GUCY1A2: variants seen among roughly 807,000 people sequenced by gnomAD.
GUCY1A2 encodes the protein guanylate cyclase 1 soluble subunit alpha 2, also known as guanylate cyclase soluble subunit alpha-2.
A neutral mutation model predicts 63.5 loss-of-function variants in GUCY1A2; 27 were observed. That is an observed-to-expected ratio of 0.43 (90% confidence interval 0.31 to 0.59). The LOEUF (loss-of-function observed/expected upper bound fraction) is 0.59, where lower values mean the gene tolerates loss of function less well. Ranked by LOEUF, GUCY1A2 falls within the 20% of genes least tolerant of loss-of-function variation. The pLI, the probability that GUCY1A2 is intolerant of heterozygous loss-of-function variation, is 0.11. For synonymous variants in GUCY1A2, 364 were observed against 343.5 expected (o/e 1.06, Z -0.66); for missense variants, 768 against 913.3 (o/e 0.84, Z 2.05).
chr11:106,731,484 G>C (rs972912343), intron 6 of GUCY1A2, among the ~76,000 whole-genome samples: 7 of 152,030 alleles, frequency 4.6e-5, no homozygotes, highest in Non-Finnish European at 1.0e-4. Flanking sequence ...ACAAGACAAG[G>C]ATGCCCTCTC....
chr11:106,756,762 C>T (rs569566232), intron 6 of GUCY1A2, among the ~76,000 whole-genome samples: 1 of 152,330 alleles, frequency 6.6e-6, no homozygotes, highest in African/African-American at 2.4e-5. Context: ...CGACCTTTCT[C>T]TCTAGCTGTC....
intron 5 of GUCY1A2, among the ~76,000 whole-genome samples, chr11:106,787,709 C>T (rs1864589401): frequency 6.6e-6 from 1 of 150,828 alleles, no homozygotes; most frequent in African/African-American, 2.4e-5. Context: ...TCGCAAATGA[C>T]AGGATCTCAT....
intron 6 of GUCY1A2, among the ~76,000 whole-genome samples, chr11:106,731,560 A>G (rs1304511400): frequency 1.3e-5 from 2 of 151,896 alleles, no homozygotes; most frequent in Non-Finnish European, 2.9e-5. Flanking sequence ...AGAAAGAAAA[A>G]AAAGGCATCC....
intron 6 of GUCY1A2, among the ~76,000 whole-genome samples, chr11:106,774,409 C>T (rs1387553152): frequency 2.6e-5 from 4 of 152,080 alleles, no homozygotes; most frequent in Admixed American, 6.6e-5. Flanking sequence ...GGATTACAGA[C>T]GTAAGCCACC....
At chr11:106,876,397 T>C (rs1464954536) in intron 4 of GUCY1A2, among the ~76,000 whole-genome samples, 1 of 150,118 alleles carries the variant, frequency 6.7e-6, no homozygotes, top group African/African-American at 2.4e-5. Context: ...AAAAAATTAA[T>C]AATTGCTACT....
intron 4 of GUCY1A2, among the ~76,000 whole-genome samples, chr11:106,890,848 T>G (rs1859964005): frequency 6.6e-6 from 1 of 152,122 alleles, no homozygotes; most frequent in African/African-American, 2.4e-5. Context: ...TGACAAAATA[T>G]AAATAGAGAA....
In GUCY1A2 at chr11:106,810,284, T is replaced by C. The variant is rs1247429305; in HGVS notation, c.1401A>G (p.Lys467=). 8 of 1,613,828 alleles carry C rather than the reference T, an allele frequency of 5.0e-6. No individual in the cohort carries two copies. The highest frequency in any genetic ancestry group is 5.9e-6 in the Non-Finnish European group (7 of 1,179,914). ...EQAKAQDGLK[K]RMDKLKATLE... ...AAGTTGCCTTTAATTTATCCATCCTTTTCTTCAACCCATCTTGGGCCTTTG... is the reference window on the plus strand; with the variant it reads ...AAGTTGCCTTTAATTTATCCATCCTCTTCTTCAACCCATCTTGGGCCTTTG... The change falls in exon 5 of 8, where the codon AAA becomes AAG. Residue 467 remains lysine (K), a synonymous_variant. Transcript: ENST00000526355.
intron 1 of GUCY1A2, among the ~76,000 whole-genome samples, chr11:107,001,394 G>T (rs911585373): frequency 6.6e-6 from 1 of 152,112 alleles, no homozygotes. Flanking sequence ...TGGTGTAGAA[G>T]ATCAAGCATT....
chr11:106,945,018 G>A (rs1341704961), intron 3 of GUCY1A2, among the ~76,000 whole-genome samples: 2 of 151,898 alleles, frequency 1.3e-5, no homozygotes, highest in African/African-American at 4.8e-5. Flanking sequence ...ATAACTAAAT[G>A]AATTACAGAG....
chr11:107,017,684 C>T, intron 1 of GUCY1A2, 69 bp downstream of exon 1: 1 of 1,012,238 alleles, frequency 9.9e-7, no homozygotes, highest in South Asian at 2.2e-5. Flanking sequence ...CCCCGGCTCG[C>T]CCAGCGCCAA....
At chr11:106,858,283 A>G (rs1859464269) in intron 4 of GUCY1A2, among the ~76,000 whole-genome samples, 1 of 152,196 alleles carries the variant, frequency 6.6e-6, no homozygotes, top group Non-Finnish European at 1.5e-5. Context: ...TGAGTTATAT[A>G]AAGAAATGAA....
chr11:106,937,089 T>C (rs1380479869), intron 4 of GUCY1A2, among the ~76,000 whole-genome samples: 1 of 152,146 alleles, frequency 6.6e-6, no homozygotes, highest in Non-Finnish European at 1.5e-5. Flanking sequence ...TTACTGACCA[T>C]AGTATCAATT....
In GUCY1A2 at chr11:106,686,325, T is replaced by C. The variant is rs1436668945; in HGVS notation, c.*1224A>G. The C allele has an allele frequency of 4.6e-6, 1 of 219,774 alleles. No individual in the cohort carries two copies. The highest frequency in any genetic ancestry group is 9.1e-6 in the Non-Finnish European group (1 of 109,500). 13.6% of individuals were successfully genotyped at this position (219,774 alleles called of 1,614,324 possible). On this transcript the variant is annotated 3_prime_UTR_variant, in exon 8 of 8. Coordinates refer to ENST00000526355, the MANE Select transcript of GUCY1A2 (RefSeq NM_000855.3). ...ACTAGTTCTGAAGATTATACCTACT[T>C]CAGTATTCATGAAAGTGATTCACTG...
chr11:106,991,162 T>C (rs1286095833), intron 1 of GUCY1A2, among the ~76,000 whole-genome samples: 1 of 152,022 alleles, frequency 6.6e-6, no homozygotes. Flanking sequence ...GCTTTTTTTT[T>C]TTCTTTTTTT....
intron 4 of GUCY1A2, among the ~76,000 whole-genome samples, chr11:106,913,280 T>G (rs1168665783): frequency 6.6e-6 from 1 of 152,162 alleles, no homozygotes; most frequent in Non-Finnish European, 1.5e-5. Context: ...ATTTGGCTCA[T>G]GATTGTGCAA....
rs189593846 is a variant in GUCY1A2, at chr11:106,921,435, T to G, written c.1206+18025A>C. Among the ~76,000 whole-genome samples, 39 of 152,190 alleles carry G rather than the reference T, an allele frequency of 2.6e-4. No homozygotes were observed. In the East Asian group the frequency reaches 6.9e-3, roughly 27 times the overall value. On this transcript the variant is annotated intron_variant, in intron 4 of 7. Transcript: ENST00000526355. ...AAGGCTTCAAAAATGATTAAAGGAC[T>G]AAAACAATTCTAGTTTAAAAAAAAA...
intron 1 of GUCY1A2, among the ~76,000 whole-genome samples, chr11:107,016,125 G>C (rs1364019453): frequency 6.6e-6 from 1 of 152,132 alleles, no homozygotes; most frequent in Non-Finnish European, 1.5e-5. Flanking sequence ...GTCCCCTCAG[G>C]GTTCCACTCC....
At chr11:106,816,716 T>G (rs1295661820) in intron 4 of GUCY1A2, among the ~76,000 whole-genome samples, 1 of 151,812 alleles carries the variant, frequency 6.6e-6, no homozygotes, top group Admixed American at 6.6e-5. Flanking sequence ...GCAACACTGA[T>G]GAAAATGACA....
chr11:106,733,754 A>AC (rs1174819501), intron 6 of GUCY1A2, among the ~76,000 whole-genome samples: 1 of 152,108 alleles, frequency 6.6e-6, no homozygotes, highest in East Asian at 1.9e-4. Context: ...GACAGGGAAT[A>AC]CAGCCCTCAA....
Sources: gnomAD v4.1 joint callset for allele counts (sites outside exome capture counted in the v4.1 genomes callset) on GRCh38, gnomAD v4.1.1 for gene constraint, MANE v1.5 for transcripts, NCBI Gene and HGNC (gene_info 2026-07-23, HGNC 2026-07-21) for gene names.